ABCD2: variants seen among roughly 807,000 people sequenced by gnomAD.
ABCD2 encodes the protein ATP binding cassette subfamily D member 2, also known as ATP-binding cassette sub-family D member 2.
A neutral mutation model predicts 70.9 loss-of-function variants in ABCD2; 36 were observed. The observed-to-expected ratio is 0.51, with a 90% CI of 0.39 to 0.67. ABCD2 has a LOEUF of 0.67. ABCD2 is among the 30% of genes least tolerant of loss of function. The probability of loss-of-function intolerance (pLI) is 0.00; values close to 1 mark genes in which losing one functional copy is unlikely to be tolerated. For synonymous variants in ABCD2, 304 were observed against 306.9 expected (o/e 0.99, Z 0.10); for missense variants, 729 against 890.2 (o/e 0.82, Z 2.30).
At chr12:39,544,927 A>ATGAGTAG in the ABCD2 span, among the ~76,000 whole-genome samples, 1 of 152,208 alleles carries the variant, frequency 6.6e-6, no homozygotes, top group Non-Finnish European at 1.5e-5. Flanking sequence ...GAGTCCTAGG[A>ATGAGTAG]TGAGTAGTAC....
At chr12:39,596,995 G>C (rs2120689861) in intron 6 of ABCD2, among the ~76,000 whole-genome samples, 1 of 152,024 alleles carries the variant, frequency 6.6e-6, no homozygotes, top group Non-Finnish European at 1.5e-5. Flanking sequence ...GATTTTTTAT[G>C]GTTATGTTGT....
chr12:39,554,571 GTTC>G (rs375503470), intron 9 of ABCD2, among the ~76,000 whole-genome samples: 1 of 152,240 alleles, frequency 6.6e-6, no homozygotes, highest in South Asian at 2.1e-4. Context: ...TTGGGAATGA[GTTC>G]TTCTGCATAA....
At chr12:39,534,685 A>T in the ABCD2 span, among the ~76,000 whole-genome samples, 2 of 84,576 alleles carry the variant, frequency 2.4e-5, no homozygotes, top group African/African-American at 4.7e-5. Flanking sequence ...GAGGGAAGGA[A>T]GGAAGGAAGG....
chr12:39,575,500 C>T lies in ABCD2; in HGVS notation c.1878-1659G>A, dbSNP rs112461817. Reference sequence around the variant, plus strand: ...TGTGTATCATCAGTAGAATGGGCTTCGTGAAGGATTTAATCTATCCCCTTA... The same window carrying T: ...TGTGTATCATCAGTAGAATGGGCTTTGTGAAGGATTTAATCTATCCCCTTA... On this transcript the variant is annotated intron_variant, in intron 8 of 9. Coordinates refer to ENST00000308666, the MANE Select transcript of ABCD2 (RefSeq NM_005164.4). Among the ~76,000 whole-genome samples the T allele has an allele frequency of 2.0e-3, 310 of 152,228 alleles. 3 individuals are homozygous for T. The highest frequency in any genetic ancestry group is 6.7e-3 in the African/African-American group (279 of 41,552).
chr12:39,532,337 G>C, the ABCD2 span, among the ~76,000 whole-genome samples: 1 of 152,196 alleles, frequency 6.6e-6, no homozygotes, highest in Admixed American at 6.5e-5. Flanking sequence ...ACTTTAAAAC[G>C]TGAAGCTGAC....
chr12:39,615,624 T>C (rs535822566), intron 2 of ABCD2, among the ~76,000 whole-genome samples: 68 of 152,106 alleles, frequency 4.5e-4, no homozygotes, highest in Non-Finnish European at 7.9e-4. Context: ...ATAATTGATA[T>C]ATGCATAACA....
the ABCD2 span, among the ~76,000 whole-genome samples, chr12:39,531,394 C>CT: frequency 2.0e-5 from 3 of 152,114 alleles, no homozygotes; most frequent in Admixed American, 6.6e-5. Context: ...GATTAATGCC[C>CT]TTAAGAAGGA....
At chr12:39,597,277 T>TA (rs1340771120) in intron 6 of ABCD2, among the ~76,000 whole-genome samples, 4 of 152,198 alleles carry the variant, frequency 2.6e-5, no homozygotes, top group Admixed American at 6.5e-5. Flanking sequence ...CAACTCCCAC[T>TA]AAATATTCCA....
chr12:39,564,808 A>G (rs1239000649), intron 9 of ABCD2, among the ~76,000 whole-genome samples: 1 of 152,150 alleles, frequency 6.6e-6, no homozygotes, highest in Non-Finnish European at 1.5e-5. Context: ...ATTTTTGTAT[A>G]AGGTGTAAGG....
downstream of ABCD2, among the ~76,000 whole-genome samples, chr12:39,548,750 A>G (rs1941050969): frequency 6.6e-6 from 1 of 151,842 alleles, no homozygotes; most frequent in African/African-American, 2.4e-5. Context: ...ACTGACTAAA[A>G]TTAAATGATA....
chr12:39,610,493 G>T (rs1275139440), intron 2 of ABCD2, among the ~76,000 whole-genome samples: 1 of 152,092 alleles, frequency 6.6e-6, no homozygotes, highest in Non-Finnish European at 1.5e-5. Context: ...GCCACAAAAG[G>T]GGTACCAAAA....
chr12:39,549,336 A>C (rs946206760), downstream of ABCD2, among the ~76,000 whole-genome samples: 5 of 152,000 alleles, frequency 3.3e-5, no homozygotes, highest in Non-Finnish European at 5.9e-5. Context: ...ACTACAAAAC[A>C]AGTAAGTCAT....
chr12:39,538,171 CTTTT>C, the ABCD2 span, among the ~76,000 whole-genome samples: 2 of 139,682 alleles, frequency 1.4e-5, no homozygotes, highest in Non-Finnish European at 3.1e-5. Flanking sequence ...TTCTTTCTTT[CTTTT>C]TTTTTTTTTT....
the ABCD2 span, among the ~76,000 whole-genome samples, chr12:39,531,338 T>C: frequency 2.0e-5 from 3 of 152,140 alleles, no homozygotes; most frequent in Non-Finnish European, 4.4e-5. Flanking sequence ...AAGATGAGGG[T>C]CTTTCGGAGG....
At chr12:39,602,947 T>C (rs1342725500) in intron 5 of ABCD2, among the ~76,000 whole-genome samples, 1 of 152,166 alleles carries the variant, frequency 6.6e-6, no homozygotes, top group East Asian at 1.9e-4. Flanking sequence ...AGTACCTAAT[T>C]GGTGCTTGTG....
intron 9 of ABCD2, among the ~76,000 whole-genome samples, chr12:39,572,806 C>A (rs576380767): frequency 2.0e-5 from 3 of 152,232 alleles, no homozygotes; most frequent in South Asian, 2.1e-4. Context: ...GAGGAGGAAT[C>A]CTGTGCAGTC....
intron 6 of ABCD2, 143 bp from the exon 7 acceptor site, chr12:39,586,440 T>C: frequency 1.3e-6 from 1 of 757,678 alleles, no homozygotes; most frequent in Non-Finnish European, 2.0e-6. Flanking sequence ...CGATGAGTAC[T>C]TCTCCCTCAG....
intron 6 of ABCD2, among the ~76,000 whole-genome samples, chr12:39,591,128 C>A (rs896640045): frequency 6.6e-6 from 1 of 152,018 alleles, no homozygotes; most frequent in Non-Finnish European, 1.5e-5. Flanking sequence ...GTTGTCGTAG[C>A]AAAAGAAGTT....
intron 5 of ABCD2, among the ~76,000 whole-genome samples, chr12:39,602,809 TTAAA>T (rs1241094869): frequency 6.6e-6 from 1 of 152,122 alleles, no homozygotes; most frequent in Non-Finnish European, 1.5e-5. Flanking sequence ...ACACTATTTA[TTAAA>T]TAAATAGAGC....
Sources: gnomAD v4.1 joint callset for allele counts (sites outside exome capture counted in the v4.1 genomes callset) on GRCh38, gnomAD v4.1.1 for gene constraint, MANE v1.5 for transcripts, NCBI Gene and HGNC (gene_info 2026-07-23, HGNC 2026-07-21) for gene names.